KIT: variants seen among roughly 807,000 people sequenced by gnomAD.
The protein encoded by KIT is mast/stem cell growth factor receptor Kit.
A neutral mutation model predicts 105.7 loss-of-function variants in KIT; 16 were observed. The ratio of observed to expected loss-of-function variants is 0.15; its 90% CI spans 0.10 to 0.23. The LOEUF is 0.23. Ranked by LOEUF, KIT falls within the 10% of genes least tolerant of loss-of-function variation. The pLI, the probability that KIT is intolerant of heterozygous loss-of-function variation, is 1.00. For synonymous variants in KIT, 438 were observed against 441.1 expected (o/e 0.99, Z 0.09); for missense variants, 858 against 1,213.8 (o/e 0.71, Z 4.36).
chr4:54,703,928 A>C, intron 5 of KIT, 36 bp downstream of exon 5: 2 of 1,481,848 alleles, frequency 1.3e-6, no homozygotes, highest in Non-Finnish European at 1.9e-6. Flanking sequence ...AATTACTGGC[A>C]GTAGTGAAAG....
intron 1 of KIT, among the ~76,000 whole-genome samples, chr4:54,681,916 G>T (rs1718950106): frequency 6.6e-6 from 1 of 151,786 alleles, no homozygotes; most frequent in Non-Finnish European, 1.5e-5. Context: ...GGCGGAGGTT[G>T]CAGTGAGCCG....
intron 20 of KIT, 51 bp downstream of exon 20, chr4:54,737,331 G>A (rs777915330): frequency 1.7e-6 from 2 of 1,199,328 alleles, no homozygotes. Flanking sequence ...AGTTCCAGGT[G>A]TGTCCTCCTC....
intron 1 of KIT, among the ~76,000 whole-genome samples, chr4:54,678,175 T>C (rs1416304172): frequency 6.6e-6 from 1 of 152,174 alleles, no homozygotes. Context: ...GCCAGGAGTG[T>C]TGATAGCAGG....
At chr4:54,709,655 C>G in intron 7 of KIT, 116 bp downstream of exon 7, 2 of 742,880 alleles carry the variant, frequency 2.7e-6, no homozygotes, top group South Asian at 1.5e-5. Context: ...TCATGATAAT[C>G]TTGACCTTCA....
At position 54,658,020 on chromosome 4, in the gene KIT, A is replaced by AGGCGCTCGC; in HGVS notation, c.12_20dup (p.Arg5_Ala7dup). The AGGCGCTCGC allele has an allele frequency of 6.2e-7, 1 of 1,613,590 alleles. No individual in the cohort carries two copies. The highest frequency in any genetic ancestry group is 8.5e-7 in the Non-Finnish European group (1 of 1,179,740). ...ATCCCATCGCAGCTACCGCGATGAGAGGCGCTCGCGGCGCCTGGGATTTTC... is the reference window on the plus strand; with the variant it reads ...ATCCCATCGCAGCTACCGCGATGAGAGGCGCTCGCGGCGCTCGCGGCGCCTGGGATTTTC... On this transcript the variant is annotated inframe_insertion, in exon 1 of 21. Coordinates refer to ENST00000288135, the MANE Select transcript of KIT (RefSeq NM_000222.3).
At chr4:54,674,851 G>A (rs565413602) in intron 1 of KIT, among the ~76,000 whole-genome samples, 1 of 152,294 alleles carries the variant, frequency 6.6e-6, no homozygotes, top group South Asian at 2.1e-4. Flanking sequence ...TATAAGAACT[G>A]ACATGCTTTT....
rs765241563 is a variant in KIT at position 54,698,581 on chromosome 4, T to C, written c.619+16T>C. 6.2e-7 allele frequency: 1 copy of C among 1,613,704 alleles called. No individual in the cohort carries two copies. The highest frequency in any genetic ancestry group is 8.5e-7 in the Non-Finnish European group (1 of 1,179,810). ...GTGAGGCCAGGTACTGGCTCTTTCT[T>C]ATCTGCCTCTGGGAGTTGAGAACTC... On this transcript the variant is annotated intron_variant, in intron 3 of 20. Coordinates refer to ENST00000288135, the MANE Select transcript of KIT (RefSeq NM_000222.3).
In KIT at chr4:54,696,738, G is replaced by A. The variant is rs1008482815; in HGVS notation, c.337+957G>A. Among the ~76,000 whole-genome samples the A allele has an allele frequency of 5.9e-5, 9 of 152,326 alleles. No homozygotes were observed. The South Asian group carries it at 6.2e-4, about 11-fold the overall frequency. On this transcript the variant is annotated intron_variant, in intron 2 of 20. Coordinates refer to ENST00000288135, the MANE Select transcript of KIT (RefSeq NM_000222.3). Reference sequence around the variant, plus strand: ...AATTCTAACATGCTCCATCAGGAGCGAATAAAGCTGACTCTAAAGTTTGAC... The same window carrying A: ...AATTCTAACATGCTCCATCAGGAGCAAATAAAGCTGACTCTAAAGTTTGAC...
At chr4:54,693,454 C>G (rs1035218447) in intron 1 of KIT, among the ~76,000 whole-genome samples, 1 of 152,194 alleles carries the variant, frequency 6.6e-6, no homozygotes, top group Non-Finnish European at 1.5e-5. Flanking sequence ...AAACCCTTTT[C>G]TTTAATGATC....
chr4:54,727,368 A>G (rs774824803), intron 10 of KIT, 44 bp downstream of exon 10: 22 of 1,613,924 alleles, frequency 1.4e-5, no homozygotes, highest in Middle Eastern at 1.6e-4. Context: ...CTAATGACTG[A>G]GACAATAATT....
At chr4:54,719,607 C>T (rs566815542) in intron 7 of KIT, among the ~76,000 whole-genome samples, 1 of 152,178 alleles carries the variant, frequency 6.6e-6, no homozygotes, top group South Asian at 2.1e-4. Context: ...ATAACTTATA[C>T]ACCTCTTAGG....
Position 54,670,154 on chromosome 4 carries a change from T to G in KIT, c.67+12073T>G, listed in dbSNP as rs1326024007. Among the ~76,000 whole-genome samples, 6 of 152,316 alleles carry G rather than the reference T, an allele frequency of 3.9e-5. No homozygotes were observed. The East Asian group carries it at 1.2e-3, about 29-fold the overall frequency. ...GACCTTTGGAGCCTTTAATGTGCTT[T>G]AGTCTGCAGGTTTGGAACTGTTTGT... is the stretch of plus-strand genomic sequence containing the variant. On this transcript the variant is annotated intron_variant, in intron 1 of 20. Coordinates refer to ENST00000288135, the MANE Select transcript of KIT (RefSeq NM_000222.3).
chr4:54,672,774 G>T (rs1198812305), intron 1 of KIT, among the ~76,000 whole-genome samples: 1 of 151,936 alleles, frequency 6.6e-6, no homozygotes, highest in Non-Finnish European at 1.5e-5. Flanking sequence ...TAATGCTGGC[G>T]GCCAGTCTTT....
rs1577952928 is a variant in KIT at position 54,695,678 on chromosome 4, G to C, written c.234G>C (p.Lys78Asn). The change falls in exon 2 of 21, where the codon AAG becomes AAC. Residue 78 changes from lysine (K) to asparagine (N), a missense_variant. Transcript: ENST00000288135. ...FEILDETNEN[K>N]QNEWITEKAE... ...TCCTGGATGAAACGAATGAGAATAAGCAGAATGAATGGATCACGGAAAAGG... is the reference window on the plus strand; with the variant it reads ...TCCTGGATGAAACGAATGAGAATAACCAGAATGAATGGATCACGGAAAAGG... 6.2e-7 allele frequency: 1 copy of C among 1,614,232 alleles called. No individual in the cohort carries two copies. The highest frequency in any genetic ancestry group is 1.3e-5 in the African/African-American group (1 of 75,054).
intron 1 of KIT, 56 bp downstream of exon 1, chr4:54,658,137 T>A: frequency 6.4e-7 from 1 of 1,560,998 alleles, no homozygotes; most frequent in Non-Finnish European, 8.8e-7. Context: ...AGCCTGTGCC[T>A]GGGAGGGTGG....
At chr4:54,704,928 G>C (rs1016001717) in intron 5 of KIT, among the ~76,000 whole-genome samples, 3 of 152,046 alleles carry the variant, frequency 2.0e-5, no homozygotes, top group Non-Finnish European at 4.4e-5. Flanking sequence ...AAATTTTGGC[G>C]TTTCTGCCCA....
chr4:54,730,215 A>G (rs1383984051), intron 14 of KIT, among the ~76,000 whole-genome samples: 1 of 152,116 alleles, frequency 6.6e-6, no homozygotes, highest in Non-Finnish European at 1.5e-5. Flanking sequence ...GACTTCCTAG[A>G]TGTACCCAGT....
intron 1 of KIT, among the ~76,000 whole-genome samples, chr4:54,685,378 G>A (rs867598425): frequency 2.0e-5 from 3 of 152,114 alleles, no homozygotes; most frequent in African/African-American, 7.2e-5. Context: ...TCCCCATCAT[G>A]TAAGACAAAA....
Position 54,740,422 on chromosome 4 carries a change from GTT to G in KIT, c.*1867_*1868del, listed in dbSNP as rs1197057340. On this transcript the variant is annotated 3_prime_UTR_variant, in exon 21 of 21. Coordinates refer to ENST00000288135, the MANE Select transcript of KIT (RefSeq NM_000222.3). ...AGTTTTGTCTTGGATATTCTTGAAA[GTT>G]TATATTTTTATAATTTTTTCTTACA... 4.3e-6 allele frequency: 1 copy of G among 233,258 alleles called. No homozygotes were observed. The highest frequency in any genetic ancestry group is 6.1e-5 in the East Asian group (1 of 16,502). The allele number at this position is 233,258 out of a possible 1,614,324, so 14.4% of individuals were successfully genotyped here.
Sources: allele counts gnomAD v4.1 joint callset (sites outside exome capture counted in the v4.1 genomes callset), GRCh38; gene constraint gnomAD v4.1.1; transcripts MANE v1.5; gene names NCBI Gene and HGNC (gene_info 2026-07-23, HGNC 2026-07-21).